Variants in MTA1 observed in about 807,000 individuals in gnomAD.
MTA1 encodes the protein metastasis associated 1, also known as metastasis-associated protein MTA1.
A neutral mutation model predicts 97.0 loss-of-function variants in MTA1; 15 were observed. That is an observed-to-expected ratio of 0.15 (90% CI 0.10 to 0.24). The LOEUF (loss-of-function observed/expected upper bound fraction) is 0.24, where lower values mean the gene tolerates loss of function less well. Ranked by LOEUF, MTA1 falls within the 10% of genes least tolerant of loss-of-function variation. The pLI is 1.00. For missense variants in MTA1, 709 were observed against 1,015.1 expected (o/e 0.70, Z 4.10); for synonymous variants, 435 against 417.5 (o/e 1.04, Z -0.51).
intron 7 of MTA1, among the ~76,000 whole-genome samples, chr14:105,458,036 AT>A (rs587728060): frequency 9.5e-4 from 144 of 152,272 alleles, no homozygotes; most frequent in African/African-American, 3.2e-3. Flanking sequence ...GGAGCCCTGC[AT>A]TCTGGGTGGG....
At chr14:105,444,528 C>T (rs1458885631) in intron 2 of MTA1, among the ~76,000 whole-genome samples, 3 of 152,026 alleles carry the variant, frequency 2.0e-5, no homozygotes, top group African/African-American at 7.2e-5. Flanking sequence ...GTGCTGTTTA[C>T]ACCTGTAATC....
intron 16 of MTA1, 107 bp downstream of exon 16, chr14:105,465,290 A>G: frequency 9.8e-7 from 1 of 1,016,282 alleles, no homozygotes; most frequent in Non-Finnish European, 1.4e-6. Context: ...GAGCTCCTGG[A>G]CAGCCCCCCA....
chr14:105,446,453 G>A (rs1648716079), intron 3 of MTA1, among the ~76,000 whole-genome samples: 1 of 152,208 alleles, frequency 6.6e-6, no homozygotes, highest in African/African-American at 2.4e-5. Flanking sequence ...CCCCTAATGG[G>A]GTGAGGTCCA....
At chr14:105,449,998 G>C in intron 4 of MTA1, 60 bp from the exon 5 acceptor site, 1 of 1,606,418 alleles carries the variant, frequency 6.2e-7, no homozygotes, top group African/African-American at 1.3e-5. Flanking sequence ...CTGGTGGGGT[G>C]GGCCTTGGTC....
At chr14:105,423,512 G>C (rs962902982) in intron 1 of MTA1, among the ~76,000 whole-genome samples, 3 of 152,044 alleles carry the variant, frequency 2.0e-5, no homozygotes, top group Non-Finnish European at 4.4e-5. Context: ...CTCATGCCCG[G>C]CCTTTTTGTT....
intron 20 of MTA1, 34 bp downstream of exon 20, chr14:105,470,026 G>A (rs782174631): frequency 1.2e-5 from 20 of 1,612,386 alleles, no homozygotes; most frequent in South Asian, 1.2e-4. Context: ...GGAGGGCTCC[G>A]CACAGCGTCC....
rs2083786620 is a variant in MTA1 at position 105,470,278 on chromosome 14, AGCCCGCCGCCC to A, written c.*68_*78del. The A allele has an allele frequency of 8.5e-7, 1 of 1,180,592 alleles. No individual in the cohort carries two copies. The highest frequency in any genetic ancestry group is 1.0e-6 in the Non-Finnish European group (1 of 960,422). 73.1% of individuals were successfully genotyped at this position (1,180,592 alleles called of 1,614,324 possible). ...CCGCCCACACGGCCCCTTCCCAGCCAGCCCGCCGCCCGCCCCTCAGTTTGGTAGTGCCCCAC... is the reference window on the plus strand; with the variant it reads ...CCGCCCACACGGCCCCTTCCCAGCCAGCCCCTCAGTTTGGTAGTGCCCCAC... On this transcript the variant is annotated 3_prime_UTR_variant, in exon 21 of 21. Coordinates refer to ENST00000331320, the MANE Select transcript of MTA1 (RefSeq NM_004689.4).
chr14:105,450,343 T>C lies in MTA1; in HGVS notation c.432+19T>C. The C allele has an allele frequency of 1.9e-6, 3 of 1,594,810 alleles. No individual in the cohort carries two copies. Among genetic ancestry groups the C allele is most frequent in the Non-Finnish European group, 1.7e-6 (2 of 1,166,636 alleles). On this transcript the variant is annotated intron_variant, in intron 6 of 20. Transcript: ENST00000331320. The stretch of plus-strand genomic sequence containing the variant: ...GCGGGAGGTGAGGCCCAGCCCGGCC[T>C]GGTCTGCCGCAGCCAGTCCCGGGCC...
chr14:105,452,697 A>C (rs932253449), intron 6 of MTA1, among the ~76,000 whole-genome samples: 1 of 152,138 alleles, frequency 6.6e-6, no homozygotes, highest in Admixed American at 6.5e-5. Flanking sequence ...AAAATAAAAG[A>C]TCCAGGCAGA....
intron 19 of MTA1, 138 bp downstream of exon 19, chr14:105,469,636 C>T: frequency 8.2e-7 from 1 of 1,221,034 alleles, no homozygotes; most frequent in African/African-American, 1.5e-5. Context: ...GGGGCTGCAG[C>T]ATGTGGGGGC....
chr14:105,466,273 C>CT, intron 16 of MTA1, 153 bp from the exon 17 acceptor site: 1 of 691,790 alleles, frequency 1.4e-6, no homozygotes, highest in Non-Finnish European at 2.5e-6. Flanking sequence ...GACCTCCCCA[C>CT]TTCCAGCCCA....
Position 105,460,962 on chromosome 14 carries a change from C to A in MTA1, c.942+9C>A. 1 of 1,603,334 alleles carries A rather than the reference C, an allele frequency of 6.2e-7. No homozygotes were observed. On this transcript the variant is annotated intron_variant, in intron 10 of 20. Coordinates refer to ENST00000331320, the MANE Select transcript of MTA1 (RefSeq NM_004689.4). ...ACATTCAGCAAGATTTTGTGAGTACCGTGGGTGGCGATGGGGGAGTGGCTG... is the reference window on the plus strand; with the variant it reads ...ACATTCAGCAAGATTTTGTGAGTACAGTGGGTGGCGATGGGGGAGTGGCTG...
intron 3 of MTA1, among the ~76,000 whole-genome samples, chr14:105,446,991 C>T (rs1478720789): frequency 1.3e-5 from 2 of 152,248 alleles, no homozygotes; most frequent in African/African-American, 4.8e-5. Context: ...TCGGCGGGCT[C>T]CAGGCACCAA....
chr14:105,464,158 T>C lies in MTA1; in HGVS notation c.1192+11T>C, dbSNP rs781827832. 1 of 1,605,460 alleles carries C rather than the reference T, an allele frequency of 6.2e-7. No homozygotes were observed. Reference sequence around the variant, plus strand: ...GCGAGAGCTGTTACAGTAAGTGCCCTGGATGGCCGGGGGCACACCGCACGC... The same window carrying C: ...GCGAGAGCTGTTACAGTAAGTGCCCCGGATGGCCGGGGGCACACCGCACGC... On this transcript the variant is annotated intron_variant, in intron 13 of 20. Coordinates refer to ENST00000331320, the MANE Select transcript of MTA1 (RefSeq NM_004689.4).
At chr14:105,444,572 C>T (rs2082651555) in intron 2 of MTA1, among the ~76,000 whole-genome samples, 1 of 152,114 alleles carries the variant, frequency 6.6e-6, no homozygotes, top group Admixed American at 6.5e-5. Context: ...AGGCAGATTG[C>T]TTGAGGTCAG....
At chr14:105,469,150 CGGCACGGCA>C in intron 18 of MTA1, 1 of 583,900 alleles carries the variant, frequency 1.7e-6, no homozygotes, top group Non-Finnish European at 3.2e-6. Context: ...TTGCTTGTCT[CGGCACGGCA>C]GGCAAGTGGG....
At chr14:105,429,848 T>C (rs1188275978) in intron 1 of MTA1, among the ~76,000 whole-genome samples, 1 of 136,360 alleles carries the variant, frequency 7.3e-6, no homozygotes, top group Non-Finnish European at 1.5e-5. Flanking sequence ...CCTCCAGCTC[T>C]CGGGTTCAAG....
Position 105,419,867 on chromosome 14 carries a change from CGCGGCCTCG to C in MTA1, c.-154_-146del, listed in dbSNP as rs1177983979. ...CCGCGCCGCGGCCCTCCCGTCCCTG[CGCGGCCTCG>C]GCGGCCTCGGCGGCGGCGGCGGCGG... is the stretch of plus-strand genomic sequence containing the variant. On this transcript the variant is annotated 5_prime_UTR_variant, in exon 1 of 21. Coordinates refer to ENST00000331320, the MANE Select transcript of MTA1 (RefSeq NM_004689.4). The C allele has an allele frequency of 5.0e-4, 85 of 170,676 alleles. No homozygotes were observed. The highest frequency in any genetic ancestry group is 2.7e-3 in the Middle Eastern group (1 of 364). 10.6% of individuals were successfully genotyped at this position (170,676 alleles called of 1,614,324 possible).
At chr14:105,444,635 A>G (rs1555426633) in intron 2 of MTA1, among the ~76,000 whole-genome samples, 4 of 151,936 alleles carry the variant, frequency 2.6e-5, no homozygotes, top group African/African-American at 9.7e-5. Flanking sequence ...TACTGAAAAT[A>G]CAAAAATTAG....
Sources: gnomAD v4.1 joint callset for allele counts (sites outside exome capture counted in the v4.1 genomes callset) on GRCh38, gnomAD v4.1.1 for gene constraint, MANE v1.5 for transcripts, NCBI Gene and HGNC (gene_info 2026-07-23, HGNC 2026-07-21) for gene names.